HEATR4: variants seen among roughly 807,000 people sequenced by gnomAD.
HEATR4 encodes the protein HEAT repeat-containing protein 4.
HEATR4 carries 95 observed loss-of-function variants against 108.8 expected under a neutral mutation model. The observed-to-expected ratio is 0.87, with a 90% CI of 0.74 to 1.04. The LOEUF (loss-of-function observed/expected upper bound fraction) is 1.04, where lower values mean the gene tolerates loss of function less well. HEATR4 is among the 50% of genes least tolerant of loss of function. The probability of loss-of-function intolerance (pLI) is 0.00; values close to 1 mark genes in which losing one functional copy is unlikely to be tolerated. For missense variants in HEATR4, 1,152 were observed against 1,253.8 expected (o/e 0.92, Z 1.23); for synonymous variants, 443 against 459.4 (o/e 0.96, Z 0.46).
the HEATR4 span, among the ~76,000 whole-genome samples, chr14:73,613,551 T>C: frequency 2.6e-5 from 4 of 152,226 alleles, no homozygotes; most frequent in East Asian, 7.7e-4. Context: ...GACAGTCCTC[T>C]CCCTTCTATC....
At chr14:73,564,222 C>T in the HEATR4 span, among the ~76,000 whole-genome samples, 88 of 151,244 alleles carry the variant, frequency 5.8e-4, no homozygotes, top group African/African-American at 2.1e-3. Context: ...CGCTGGAACC[C>T]GGGAGCCAGA....
intron 7 of HEATR4, among the ~76,000 whole-genome samples, chr14:73,510,291 A>T (rs1053302594): frequency 5.3e-5 from 8 of 152,016 alleles, no homozygotes; most frequent in African/African-American, 1.9e-4. Context: ...CTCACTAGGG[A>T]GTCTTTTTTG....
At chr14:73,531,425 T>TC (rs1288020339) in intron 1 of HEATR4, among the ~76,000 whole-genome samples, 1 of 101,932 alleles carries the variant, frequency 9.8e-6, no homozygotes, top group African/African-American at 3.2e-5. Context: ...TTTTTCGTCT[T>TC]TTTTTTTTTT....
In HEATR4 at chr14:73,492,880, CTTGGCAACCACG is replaced by C; in HGVS notation, c.2844+174_2844+185del. ...GTGACAGTGTGGAGGACCAGCTGTC[CTTGGCAACCACG>C]TTGTATGATAAGGGGCTGCTGCTCA... On this transcript the variant is annotated intron_variant, in intron 17 of 17. Transcript: ENST00000553558. The surrounding 1 kb of genome is among the most constrained non-coding windows in gnomAD (Gnocchi z 4.9). 6.2e-7 allele frequency: 1 copy of C among 1,613,880 alleles called. No homozygotes were observed. Among genetic ancestry groups the C allele is most frequent in the Non-Finnish European group, 8.5e-7 (1 of 1,179,864 alleles).
At chr14:73,576,306 T>G in the HEATR4 span, among the ~76,000 whole-genome samples, 3 of 152,014 alleles carry the variant, frequency 2.0e-5, 1 homozygote, top group Admixed American at 1.3e-4. Context: ...TAGTTAGATA[T>G]AAAACTACTA....
chr14:73,563,973 C>T, the HEATR4 span, among the ~76,000 whole-genome samples: 1,720 of 151,718 alleles, frequency 0.011, 40 homozygotes, highest in African/African-American at 0.039. Flanking sequence ...TGCACTCCAA[C>T]CTGGGTGACA....
In HEATR4 at chr14:73,556,193, G is replaced by T. The variant is rs562083212; in HGVS notation, c.-152+2558C>A. Among the ~76,000 whole-genome samples the T allele has an allele frequency of 9.6e-5, 11 of 114,080 alleles. 3 individuals carry two copies. Among genetic ancestry groups the T allele is most frequent in the Admixed American group, 3.0e-4 (3 of 10,132 alleles). 74.8% of individuals were successfully genotyped at this position (114,080 alleles called of 152,430 possible). A position where few individuals can be genotyped will look rare whatever the true frequency, so the allele number is the denominator to read the frequency against. On this transcript the variant is annotated intron_variant, in intron 1 of 17. Transcript: ENST00000553558. ...AATCCCAACACTTTGGGAGGCTGAG[G>T]CAGGCAGATCACCAGAGGTCAGCAG...
intron 3 of HEATR4, 39 bp from the exon 4 acceptor site, chr14:73,521,078 G>A (rs759950544): frequency 6.5e-7 from 1 of 1,550,366 alleles, no homozygotes; most frequent in Non-Finnish European, 8.9e-7. Flanking sequence ...GGGGGAAAGA[G>A]TAGGAGGTGG....
the HEATR4 span, among the ~76,000 whole-genome samples, chr14:73,608,682 T>C: frequency 2.6e-5 from 4 of 152,156 alleles, no homozygotes; most frequent in African/African-American, 4.8e-5. Context: ...GCTTCCACAT[T>C]TTTGGGTATC....
the HEATR4 span, among the ~76,000 whole-genome samples, chr14:73,629,292 A>G: frequency 5.3e-5 from 8 of 152,216 alleles, no homozygotes; most frequent in African/African-American, 1.9e-4. Context: ...AGTATATTAT[A>G]CACCTTTTAT....
At chr14:73,591,858 G>C in the HEATR4 span, 1 of 1,185,744 alleles carries the variant, frequency 8.4e-7, no homozygotes, top group Non-Finnish European at 1.1e-6. Flanking sequence ...GCAGCTTCCG[G>C]CACCAGGGGA....
the HEATR4 span, among the ~76,000 whole-genome samples, chr14:73,567,107 CCT>C: frequency 2.6e-5 from 4 of 152,024 alleles, no homozygotes; most frequent in Non-Finnish European, 5.9e-5. Context: ...GCGCCCATCC[CCT>C]TTTTCTTTTT....
At chr14:73,515,584 G>A (rs1887550872) in intron 5 of HEATR4, among the ~76,000 whole-genome samples, 1 of 140,876 alleles carries the variant, frequency 7.1e-6, no homozygotes, top group Admixed American at 8.1e-5. Context: ...GGATGCTGAA[G>A]CAGAAGAATC....
intron 1 of HEATR4, among the ~76,000 whole-genome samples, chr14:73,552,778 G>A (rs1889342533): frequency 9.5e-6 from 1 of 105,382 alleles, no homozygotes; most frequent in Admixed American, 1.0e-4. Context: ...CAGATAACCC[G>A]CTGCTCCAGC....
intron 6 of HEATR4, among the ~76,000 whole-genome samples, chr14:73,512,599 G>A (rs990837862): frequency 3.3e-5 from 5 of 152,282 alleles, no homozygotes; most frequent in Non-Finnish European, 5.9e-5. Context: ...TATTCTTACT[G>A]TTAAATGAGT....
chr14:73,583,361 A>AG, the HEATR4 span, among the ~76,000 whole-genome samples: 1 of 151,788 alleles, frequency 6.6e-6, no homozygotes, highest in Non-Finnish European at 1.5e-5. Flanking sequence ...AAAAAAAAAA[A>AG]AAAGAATGCA....
chr14:73,609,885 C>T, the HEATR4 span, among the ~76,000 whole-genome samples: 1 of 151,932 alleles, frequency 6.6e-6, no homozygotes, highest in Non-Finnish European at 1.5e-5. Context: ...GTGATCCACC[C>T]GCCTCAGCCT....
intron 17 of HEATR4, among the ~76,000 whole-genome samples, chr14:73,483,048 A>T (rs552885229): frequency 6.6e-6 from 1 of 152,354 alleles, no homozygotes; most frequent in Admixed American, 6.5e-5. Context: ...ATGTAGCAAG[A>T]GAACCAAATG....
At chr14:73,595,296 A>G in the HEATR4 span, 162 of 1,614,102 alleles carry the variant, frequency 1.0e-4, no homozygotes, top group Non-Finnish European at 1.3e-4. Flanking sequence ...GTAGGAGGGT[A>G]CAAGAACCCC....
Sources: gnomAD v4.1 joint callset for allele counts (sites outside exome capture counted in the v4.1 genomes callset) on GRCh38, gnomAD v4.1.1 for gene constraint, Gnocchi (gnomAD v3.1) non-coding constraint, MANE v1.5 for transcripts, NCBI Gene and HGNC (gene_info 2026-07-23, HGNC 2026-07-21) for gene names.